The following PDS5A variants were observed in gnomAD, a reference collection of about 807,000 sequenced individuals.
The protein encoded by PDS5A is PDS5 cohesin associated factor A, also known as sister chromatid cohesion protein PDS5 homolog A.
In PDS5A, 42 loss-of-function variants were observed where a neutral mutation model predicts 167.1. The observed-to-expected ratio is 0.25, with a 90% CI of 0.20 to 0.33. PDS5A has a LOEUF of 0.33. Ranked by LOEUF, PDS5A falls within the 10% of genes least tolerant of loss-of-function variation. PDS5A has a pLI of 1.00. For missense variants in PDS5A, 1,033 were observed against 1,605.9 expected (o/e 0.64, Z 6.10); for synonymous variants, 553 against 554.6 (o/e 1.00, Z 0.04).
At chr4:39,935,096 A>T (rs1338973117) in intron 2 of PDS5A, among the ~76,000 whole-genome samples, 2 of 152,172 alleles carry the variant, frequency 1.3e-5, no homozygotes, top group African/African-American at 4.8e-5. Flanking sequence ...CCTAACCAAA[A>T]GTTGTAAAGA....
Position 39,928,521 on chromosome 4 carries a change from C to T in PDS5A, c.139-357G>A, listed in dbSNP as rs185583250. Reference sequence around the variant, plus strand: ...ATATTTGGCAACATCATTAACTATGCTTCTTTTATATTTTATTATTAAAGG... The same window carrying T: ...ATATTTGGCAACATCATTAACTATGTTTCTTTTATATTTTATTATTAAAGG... On this transcript the variant is annotated intron_variant, in intron 2 of 32. Transcript: ENST00000303538. 6.6e-5 allele frequency among the ~76,000 whole-genome samples: 10 copies of T among 152,228 alleles called. No individual in the cohort carries two copies. In the East Asian group the frequency reaches 1.7e-3, roughly 26 times the overall value.
chr4:39,890,243 G>A lies in PDS5A; in HGVS notation c.1886+6C>T, dbSNP rs562307541. ...TATTTTTGAGCGAATATACTTCTTG[G>A]CTTACCTTATGGCTTCTGAATCAAT... On this transcript the variant is annotated splice_donor_region_variant and intron_variant, in intron 17 of 32. Coordinates refer to ENST00000303538, the MANE Select transcript of PDS5A (RefSeq NM_001100399.2). 1.8e-4 allele frequency: 257 copies of A among 1,419,276 alleles called. No homozygotes were observed. In the Admixed American group the frequency reaches 2.5e-3, roughly 14 times the overall value. The allele number at this position is 1,419,276 out of a possible 1,614,324, so 87.9% of individuals were successfully genotyped here. A position where few individuals can be genotyped will look rare whatever the true frequency, so the allele number is the denominator to read the frequency against.
chr4:39,885,792 A>C (rs1462187849), intron 17 of PDS5A, among the ~76,000 whole-genome samples: 5 of 151,732 alleles, frequency 3.3e-5, no homozygotes, highest in African/African-American at 9.7e-5. Context: ...ACAAAAAAAA[A>C]CACCCTCACA....
chr4:39,977,439 A>AGCC lies in PDS5A; in HGVS notation c.-41+15_-41+17dup, dbSNP rs1023775341. ...CTCCAGCAGCCTAGGGCGGGAGCCG[A>AGCC]GCCGCCGCCGCCTTTACCTCCTCCT... On this transcript the variant is annotated intron_variant, in intron 1 of 32. Transcript: ENST00000303538. This position sits in a 1 kb window ranked among gnomAD's most constrained non-coding sequence, Gnocchi z 4.2. 10 of 152,828 alleles carry AGCC rather than the reference A, an allele frequency of 6.5e-5. No individual in the cohort carries two copies. The highest frequency in any genetic ancestry group is 1.0e-4 in the Non-Finnish European group (7 of 68,662). The allele number at this position is 152,828 out of a possible 1,614,324, so 9.5% of individuals were successfully genotyped here. A position where few individuals can be genotyped will look rare whatever the true frequency, so the allele number is the denominator to read the frequency against.
Position 39,976,562 on chromosome 4 carries a change from G to C in PDS5A, c.16C>G (p.Gln6Glu). Residue 6 changes from glutamine (Q) to glutamate (E), a missense_variant, in exon 2 of 33, where the codon CAG becomes GAG. Physicochemically the swap from Gln to Glu is conservative, Grantham distance 29. This residue lies in a region of PDS5A where 388 missense variants were observed against 615.1 expected (regional missense o/e 0.63). Coordinates refer to ENST00000303538, the MANE Select transcript of PDS5A (RefSeq NM_001100399.2). Reference sequence around the variant, plus strand: ...CAGAGGGCAGTGGCAGGCTTGGGCTGCGCGGTGAAGTCCATCCTGGGGGAC... The same window carrying C: ...CAGAGGGCAGTGGCAGGCTTGGGCTCCGCGGTGAAGTCCATCCTGGGGGAC... MDFTA[Q>E]PKPATALCGV... 1 of 1,612,240 alleles carries C rather than the reference G, an allele frequency of 6.2e-7. No individual in the cohort carries two copies. The highest frequency in any genetic ancestry group is 8.5e-7 in the Non-Finnish European group (1 of 1,178,578).
chr4:39,867,079 G>T, intron 22 of PDS5A, 82 bp from the exon 23 acceptor site: 1 of 1,073,358 alleles, frequency 9.3e-7, no homozygotes, highest in Non-Finnish European at 1.3e-6. Flanking sequence ...AGATTAATGA[G>T]ATTACTCATC....
intron 5 of PDS5A, among the ~76,000 whole-genome samples, chr4:39,925,185 C>A (rs964732806): frequency 3.3e-5 from 5 of 152,042 alleles, no homozygotes; most frequent in South Asian, 2.1e-4. Context: ...AAAAACCAAA[C>A]CAAAACAAAA....
chr4:39,852,032 A>G (rs1286389512), intron 26 of PDS5A, among the ~76,000 whole-genome samples: 1 of 152,238 alleles, frequency 6.6e-6, no homozygotes, highest in African/African-American at 2.4e-5. Flanking sequence ...TTGAATGTAC[A>G]TCAACATAAT....
At chr4:39,919,514 G>T (rs1724717214) in intron 7 of PDS5A, among the ~76,000 whole-genome samples, 2 of 151,956 alleles carry the variant, frequency 1.3e-5, no homozygotes, top group Non-Finnish European at 2.9e-5. Context: ...GTGTGGTGGC[G>T]GGTGCCTGTA....
At chr4:39,894,239 C>T (rs1011408680) in intron 16 of PDS5A, among the ~76,000 whole-genome samples, 6 of 151,976 alleles carry the variant, frequency 3.9e-5, no homozygotes, top group African/African-American at 1.5e-4. Flanking sequence ...GAAATCTCAT[C>T]TCTACTAAAA....
intron 26 of PDS5A, among the ~76,000 whole-genome samples, chr4:39,858,553 A>G (rs1430756254): frequency 6.6e-6 from 1 of 152,260 alleles, no homozygotes; most frequent in Admixed American, 6.5e-5. Context: ...CACATGCAAC[A>G]ATTAATTTAC....
rs558210738 is a variant in PDS5A, at chr4:39,930,974, G to A, written c.139-2810C>T. 2.6e-5 allele frequency among the ~76,000 whole-genome samples: 4 copies of A among 152,188 alleles called. No individual in the cohort carries two copies. The South Asian group carries it at 8.3e-4, about 32-fold the overall frequency. ...TCTATATTTCCATCTTGAGAAATTA[G>A]ATAAATCCAAAGAAACTAGAATCAG... On this transcript the variant is annotated intron_variant, in intron 2 of 32. Coordinates refer to ENST00000303538, the MANE Select transcript of PDS5A (RefSeq NM_001100399.2).
Position 39,890,363 on chromosome 4 carries a change from C to A in PDS5A, c.1772G>T (p.Arg591Ile). The change falls in exon 17 of 33, where the codon AGA becomes ATA. Residue 591 changes from arginine (R) to isoleucine (I), a missense_variant and splice_region_variant. By Grantham distance (97) the Arg-to-Ile change is moderately conservative. Coordinates refer to ENST00000303538, the MANE Select transcript of PDS5A (RefSeq NM_001100399.2). ...ATTTGCAAGTTTCCGGGCTATTTCT[C>A]TCTATAGAAAGAAAGGAGTTTTACC... ...CSCKQADICV[R>I]EIARKLANPK... is the part of the protein sequence containing the mutation. 6.6e-7 allele frequency: 1 copy of A among 1,522,356 alleles called. No individual in the cohort carries two copies. Among genetic ancestry groups the A allele is most frequent in the South Asian group, 1.2e-5 (1 of 83,464 alleles). The allele number at this position is 1,522,356 out of a possible 1,614,324, so 94.3% of individuals were successfully genotyped here. A position where few individuals can be genotyped will look rare whatever the true frequency, so the allele number is the denominator to read the frequency against.
intron 2 of PDS5A, among the ~76,000 whole-genome samples, chr4:39,938,112 CTT>C (rs1336573382): frequency 2.0e-5 from 3 of 152,204 alleles, no homozygotes; most frequent in Admixed American, 2.0e-4. Context: ...CTATACCTCA[CTT>C]TCGTTTTCTG....
intron 18 of PDS5A, among the ~76,000 whole-genome samples, chr4:39,878,993 C>T (rs1007500521): frequency 5.3e-5 from 8 of 152,162 alleles, no homozygotes; most frequent in African/African-American, 1.7e-4. Flanking sequence ...CTGCCCGCCT[C>T]GGCCTCCCAA....
At chr4:39,930,246 A>AAAAAAAAAAAAAAATTTTTTTTTTTTTTT in intron 2 of PDS5A, among the ~76,000 whole-genome samples, 1 of 93,090 alleles carries the variant, frequency 1.1e-5, no homozygotes, top group Non-Finnish European at 2.2e-5. Context: ...AAAAAAAAAA[A>AAAAAAAAAAAAAAATTTTTTTTTTTTTTT]GTTTTTTTGT....
intron 2 of PDS5A, among the ~76,000 whole-genome samples, chr4:39,945,220 G>A (rs1727633684): frequency 6.6e-6 from 1 of 152,048 alleles, no homozygotes; most frequent in Non-Finnish European, 1.5e-5. Context: ...CAGCACTTTG[G>A]AAGGCCAAGG....
Position 39,898,420 on chromosome 4 carries a change from G to C in PDS5A, c.1739C>G (p.Thr580Ser), listed in dbSNP as rs1159604515. The C allele has an allele frequency of 6.3e-7, 1 of 1,587,580 alleles. No homozygotes were observed. Among genetic ancestry groups the C allele is most frequent in the South Asian group, 1.2e-5 (1 of 86,160 alleles). The stretch of plus-strand genomic sequence containing the variant: ...AATATCTGCTTGTTTGCAAGAACAG[G>C]TTGGGCTAATTAATAACTCCAACTG... ...RSQLELLISPTCSCKQADICV... is the reference protein window; with the variant it reads ...RSQLELLISPSCSCKQADICV... The change falls in exon 16 of 33, where the codon ACC becomes AGC. Residue 580 changes from threonine to serine, a missense_variant. Transcript: ENST00000303538.
chr4:39,976,991 C>A (rs1731170365), intron 1 of PDS5A, among the ~76,000 whole-genome samples: 1 of 152,188 alleles, frequency 6.6e-6, no homozygotes, highest in African/African-American at 2.4e-5. Context: ...TCCCGCCCGG[C>A]CAGTCCCCTC....
Sources: allele counts gnomAD v4.1 joint callset (sites outside exome capture counted in the v4.1 genomes callset), GRCh38; gene constraint gnomAD v4.1.1; regional missense constraint gnomAD v4.1.1; non-coding constraint Gnocchi (gnomAD v3.1); transcripts MANE v1.5; gene names NCBI Gene and HGNC (gene_info 2026-07-23, HGNC 2026-07-21).